CIT: variants seen among roughly 807,000 people sequenced by gnomAD.
CIT encodes citron rho-interacting serine/threonine kinase.
CIT carries 79 observed loss-of-function variants against 272.7 expected under a neutral mutation model. The observed-to-expected ratio is 0.29, with a 90% CI of 0.24 to 0.35. CIT has a LOEUF of 0.35. Among genes scored for constraint, CIT ranks in the 10% least tolerant of loss-of-function variants. The pLI is 1.00. For missense variants in CIT, 1,909 were observed against 2,618.3 expected, an observed-to-expected ratio of 0.73 and a Z score of 5.91; for synonymous variants, 948 against 995.6, an observed-to-expected ratio of 0.95 and a Z score of 0.90.
rs571268238 is a variant in CIT at position 119,834,075 on chromosome 12, G to A, written c.659+11C>T. The A allele has an allele frequency of 6.3e-7, 1 of 1,598,010 alleles. No homozygotes were observed. The highest frequency in any genetic ancestry group is 1.1e-5 in the South Asian group (1 of 87,958). ...TCCTCAGCATAAAAATGCTACCAGA[G>A]TCTCACTTACCGATGCACGTATCCC... On this transcript the variant is annotated intron_variant, in intron 6 of 47. Coordinates refer to ENST00000392521, the MANE Select transcript of CIT (RefSeq NM_001206999.2).
intron 13 of CIT, among the ~76,000 whole-genome samples, chr12:119,779,250 G>T (rs1374844946): frequency 6.6e-6 from 1 of 151,944 alleles, no homozygotes; most frequent in Admixed American, 6.6e-5. Context: ...TAATTCACAG[G>T]CCAGAACATG....
At chr12:119,761,280 C>T (rs765500307) in intron 19 of CIT, among the ~76,000 whole-genome samples, 2 of 152,088 alleles carry the variant, frequency 1.3e-5, no homozygotes, top group Non-Finnish European at 2.9e-5. Context: ...AACAGGTTGA[C>T]TTGAACCAAG....
At chr12:119,742,659 A>G (rs1959115213) in intron 23 of CIT, 195 bp from the exon 24 acceptor site, 1 of 497,656 alleles carries the variant, frequency 2.0e-6, no homozygotes, top group Non-Finnish European at 3.5e-6. Flanking sequence ...ATGCTGTGTT[A>G]ATAACAATTA....
At chr12:119,704,287 G>A (rs1956754361) in intron 41 of CIT, 76 bp downstream of exon 41, 3 of 1,375,764 alleles carry the variant, frequency 2.2e-6, no homozygotes, top group Non-Finnish European at 3.1e-6. Flanking sequence ...CCAGGACAGT[G>A]CACTTTCCAC....
chr12:119,872,210 CTTTCTT>C (rs1400712725), intron 2 of CIT, among the ~76,000 whole-genome samples: 1 of 151,854 alleles, frequency 6.6e-6, no homozygotes, highest in Non-Finnish European at 1.5e-5. Context: ...AATAATAGGT[CTTTCTT>C]TTTATTTTTT....
chr12:119,794,772 AG>A (rs1965597750), intron 10 of CIT, among the ~76,000 whole-genome samples: 1 of 152,214 alleles, frequency 6.6e-6, no homozygotes, highest in Non-Finnish European at 1.5e-5. Context: ...AGAAAAAGAG[AG>A]TCCAAAGCAC....
In CIT at chr12:119,718,895, T is replaced by C. The variant is rs1239451954; in HGVS notation, c.3841-34A>G. ...GGAAACAGAGATATCTCCTAACTCCTGGAAACTGGCACTTGAAACTAGCTA... is the reference window on the plus strand; with the variant it reads ...GGAAACAGAGATATCTCCTAACTCCCGGAAACTGGCACTTGAAACTAGCTA... On this transcript the variant is annotated intron_variant, in intron 30 of 47. Transcript: ENST00000392521. The surrounding 1 kb of genome is among the most constrained non-coding windows in gnomAD (Gnocchi z 4.8). 5 of 1,606,810 alleles carry C rather than the reference T, an allele frequency of 3.1e-6. No individual in the cohort carries two copies. The Admixed American group carries it at 5.0e-5, about 16-fold the overall frequency.
chr12:119,735,147 T>C lies in CIT; in HGVS notation c.3156+13A>G. The C allele has an allele frequency of 1.2e-6, 2 of 1,612,972 alleles. No individual in the cohort carries two copies. Among genetic ancestry groups the C allele is most frequent in the Non-Finnish European group, 8.5e-7 (1 of 1,179,682 alleles). On this transcript the variant is annotated intron_variant, in intron 25 of 47. Transcript: ENST00000392521. ...TCCTCCAGGGATCTCACGACCTTGT[T>C]AACCCTCCTTACTTGCTTCTGGCTG...
intron 10 of CIT, among the ~76,000 whole-genome samples, chr12:119,801,636 G>A (rs938778097): frequency 4.6e-5 from 7 of 152,104 alleles, no homozygotes; most frequent in African/African-American, 1.4e-4. Context: ...AGTGTGCTGC[G>A]TGTGTCAAGG....
chr12:119,875,867 A>C (rs975010205), intron 2 of CIT, among the ~76,000 whole-genome samples: 12 of 152,162 alleles, frequency 7.9e-5, no homozygotes, highest in African/African-American at 2.9e-4. Context: ...AGGCGGCTGT[A>C]GTCCCAGCTA....
chr12:119,770,749 T>C lies in CIT; in HGVS notation c.2208+36A>G. ...CCTTCCCTTTGCAAACTCTAACCTG[T>C]TATCTTTTAACTTTGCGACTTTCAT... On this transcript the variant is annotated intron_variant, in intron 18 of 47. Transcript: ENST00000392521. This position sits in a 1 kb window ranked among gnomAD's most constrained non-coding sequence, Gnocchi z 4.4. The C allele has an allele frequency of 6.2e-7, 1 of 1,612,350 alleles. No individual in the cohort carries two copies. Among genetic ancestry groups the C allele is most frequent in the Non-Finnish European group, 8.5e-7 (1 of 1,179,524 alleles).
At chr12:119,732,240 C>T (rs1370318205) in intron 26 of CIT, among the ~76,000 whole-genome samples, 3 of 152,164 alleles carry the variant, frequency 2.0e-5, no homozygotes, top group Non-Finnish European at 4.4e-5. Context: ...AAGAAAGGCA[C>T]GATCTTCCAC....
intron 22 of CIT, among the ~76,000 whole-genome samples, chr12:119,753,267 T>A (rs926690653): frequency 3.9e-5 from 6 of 152,022 alleles, no homozygotes; most frequent in Non-Finnish European, 8.8e-5. Flanking sequence ...AAAGGAGACC[T>A]CCAACCCAGC....
chr12:119,736,795 A>G (rs78862147), intron 24 of CIT, among the ~76,000 whole-genome samples: 5,581 of 152,280 alleles, frequency 0.037, 175 homozygotes, highest in African/African-American at 0.079. Context: ...CAGTAGTTCA[A>G]CTGGTCTCCT....
chr12:119,747,967 C>G (rs560932597), intron 23 of CIT, among the ~76,000 whole-genome samples: 3 of 152,084 alleles, frequency 2.0e-5, no homozygotes, highest in Non-Finnish European at 2.9e-5. Flanking sequence ...AGTTCAAGAC[C>G]AGCCTGGGAA....
intron 9 of CIT, among the ~76,000 whole-genome samples, chr12:119,816,598 T>TCTC (rs1967206652): frequency 6.6e-6 from 1 of 152,184 alleles, no homozygotes; most frequent in South Asian, 2.1e-4. Context: ...TAGGCCTGAG[T>TCTC]CTCTGAAGCT....
At chr12:119,743,202 T>C (rs1959146261) in intron 23 of CIT, among the ~76,000 whole-genome samples, 1 of 151,662 alleles carries the variant, frequency 6.6e-6, no homozygotes, top group Admixed American at 6.6e-5. Flanking sequence ...GGGACAAATG[T>C]TATAAAGAAA....
chr12:119,868,254 A>C (rs1173818591), intron 3 of CIT, among the ~76,000 whole-genome samples: 4 of 152,228 alleles, frequency 2.6e-5, no homozygotes, highest in Non-Finnish European at 4.4e-5. Flanking sequence ...TTATGACTAC[A>C]TTAGTATAAA....
In CIT at chr12:119,694,107, G is replaced by A. The variant is rs1956099534; in HGVS notation, c.5882+3552C>T. Among the ~76,000 whole-genome samples, 1 of 152,176 alleles carries A rather than the reference G, an allele frequency of 6.6e-6. No homozygotes were observed. The highest frequency in any genetic ancestry group is 2.1e-4 in the South Asian group (1 of 4,836). On this transcript the variant is annotated intron_variant, in intron 46 of 47. Transcript: ENST00000392521. This position sits in a 1 kb window ranked among gnomAD's most constrained non-coding sequence, Gnocchi z 4.5. ...AGCTGGATCTAGCTCCTAGCACTGT[G>A]TCAAGACGAGGCCAGTCCCACTTCC...
Sources: allele counts gnomAD v4.1 joint callset (sites outside exome capture counted in the v4.1 genomes callset), GRCh38; gene constraint gnomAD v4.1.1; non-coding constraint Gnocchi (gnomAD v3.1); transcripts MANE v1.5; gene names NCBI Gene and HGNC (gene_info 2026-07-23, HGNC 2026-07-21).